Variants in HDAC9 observed in about 807,000 individuals in gnomAD.
The protein encoded by HDAC9 is histone deacetylase 9, also known as MEF-2 interacting transcription repressor (MITR) protein.
Under a neutral mutation model 139.4 loss-of-function variants are expected in HDAC9, and 41 were observed. That is an observed-to-expected ratio of 0.29 (90% CI 0.23 to 0.38). The LOEUF (loss-of-function observed/expected upper bound fraction) is 0.38, where lower values mean the gene tolerates loss of function less well. Among genes scored for constraint, HDAC9 ranks in the 10% least tolerant of loss-of-function variants. The pLI, the probability that HDAC9 is intolerant of heterozygous loss-of-function variation, is 1.00. For synonymous variants in HDAC9, 517 were observed against 476.2 expected (o/e 1.09, Z -1.12); for missense variants, 1,147 against 1,297.0 (o/e 0.88, Z 1.78).
intron 1 of HDAC9, among the ~76,000 whole-genome samples, chr7:18,419,649 C>G (rs1789435576): frequency 6.6e-6 from 1 of 152,168 alleles, no homozygotes; most frequent in Non-Finnish European, 1.5e-5. Flanking sequence ...ATAAATTACA[C>G]TCTTGTTGAA....
chr7:18,144,629 A>G (rs944984607), intron 1 of HDAC9, among the ~76,000 whole-genome samples: 2 of 151,882 alleles, frequency 1.3e-5, no homozygotes, highest in African/African-American at 4.8e-5. Flanking sequence ...AGTTAACCCT[A>G]TGATGTTGTA....
chr7:18,349,365 T>G (rs1442466814), intron 1 of HDAC9, among the ~76,000 whole-genome samples: 1 of 128,648 alleles, frequency 7.8e-6, no homozygotes, highest in Non-Finnish European at 1.6e-5. Flanking sequence ...CACACACAGA[T>G]ATTGCCCTTC....
intron 2 of HDAC9, among the ~76,000 whole-genome samples, chr7:18,246,363 A>G (rs1211504926): frequency 6.6e-6 from 1 of 151,910 alleles, no homozygotes; most frequent in Non-Finnish European, 1.5e-5. Context: ...AGTAAAATAC[A>G]CATAACAAAG....
chr7:18,117,758 G>A (rs1328657370), intron 1 of HDAC9, among the ~76,000 whole-genome samples: 1 of 152,194 alleles, frequency 6.6e-6, no homozygotes, highest in East Asian at 1.9e-4. Flanking sequence ...CTTGAGAACT[G>A]TGAGAAAATA....
intron 13 of HDAC9, among the ~76,000 whole-genome samples, chr7:18,743,427 T>C (rs1294545096): frequency 6.6e-6 from 1 of 152,182 alleles, no homozygotes; most frequent in African/African-American, 2.4e-5. Flanking sequence ...AATTTATCAA[T>C]TTTTTTAAAC....
chr7:18,674,028 T>C (rs929628735), intron 12 of HDAC9, among the ~76,000 whole-genome samples: 6 of 151,996 alleles, frequency 3.9e-5, no homozygotes, highest in African/African-American at 1.4e-4. Context: ...CTTTTTGCTG[T>C]TGTTGTTGTT....
rs1449302043 is a variant in HDAC9 at position 18,158,161 on chromosome 7, A to G, written c.-96-4068A>G. Among the ~76,000 whole-genome samples the G allele has an allele frequency of 3.3e-5, 5 of 152,320 alleles. No homozygotes were observed. The East Asian group carries it at 7.7e-4, about 23-fold the overall frequency. On this transcript the variant is annotated intron_variant, in intron 1 of 12. Transcript: ENST00000417496. ...GCTTTTTTAGTAGCACACTATCCAA[A>G]ATAATACTAATTACCCAAAAGTGGG...
chr7:18,838,970 A>G (rs907829989), intron 21 of HDAC9, among the ~76,000 whole-genome samples: 1 of 151,974 alleles, frequency 6.6e-6, no homozygotes, highest in African/African-American at 2.4e-5. Flanking sequence ...AAGATTTCAC[A>G]TTTACTGTAA....
intron 1 of HDAC9, among the ~76,000 whole-genome samples, chr7:18,485,084 T>C (rs1400067237): frequency 6.6e-6 from 1 of 152,118 alleles, no homozygotes; most frequent in Non-Finnish European, 1.5e-5. Flanking sequence ...TTAAATAGAC[T>C]GTCCCTGCCA....
Position 18,829,215 on chromosome 7 carries a change from A to G in HDAC9, c.2377A>G (p.Met793Val), listed in dbSNP as rs758341334. The change falls in exon 18 of 26, where the codon ATG becomes GTG. Residue 793 changes from methionine to valine, a missense_variant and splice_region_variant. By Grantham distance (21) the Met-to-Val change is conservative. This residue lies in a region of HDAC9 where 407 missense variants were observed against 521.5 expected (regional missense o/e 0.78). Coordinates refer to ENST00000686413, the MANE Select transcript of HDAC9 (RefSeq NM_178425.4). ...CCATCACGCTGAAGAATCCACAGCC[A>G]TGTAAGTACCAGGGACTGTTGCCCA... Reference protein sequence around the residue: ...PGHHAEESTAMGFCFFNSVAI... With the variant: ...PGHHAEESTAVGFCFFNSVAI... 6.2e-7 allele frequency: 1 copy of G among 1,609,834 alleles called. No homozygotes were observed. Among genetic ancestry groups the G allele is most frequent in the Non-Finnish European group, 8.5e-7 (1 of 1,176,092 alleles).
At chr7:18,351,292 T>C (rs1782828771) in intron 1 of HDAC9, among the ~76,000 whole-genome samples, 1 of 152,198 alleles carries the variant, frequency 6.6e-6, no homozygotes, top group South Asian at 2.1e-4. Context: ...GTTGCTTCAA[T>C]ATTTTTCCCC....
chr7:18,742,682 C>T (rs542231638), intron 13 of HDAC9, among the ~76,000 whole-genome samples: 13 of 151,740 alleles, frequency 8.6e-5, no homozygotes, highest in Admixed American at 2.0e-4. Context: ...ACTGTATTTT[C>T]ATCTTATTAT....
chr7:18,747,435 T>TCTTTGGAGGGGGAGCG (rs1354011219), intron 13 of HDAC9, among the ~76,000 whole-genome samples: 2 of 152,206 alleles, frequency 1.3e-5, no homozygotes, highest in African/African-American at 4.8e-5. Flanking sequence ...CTGCTTTGGT[T>TCTTTGGAGGGGGAGCG]CTTTGGAGGG....
Position 18,650,951 on chromosome 7 carries a change from A to G in HDAC9, c.1467+2268A>G, listed in dbSNP as rs141285224. On this transcript the variant is annotated intron_variant, in intron 11 of 25. Transcript: ENST00000686413. ...GGCATATTCACGTTGGGTATTCTCC[A>G]GATTTTGAAAATATTTTACCTGCCC... Among the ~76,000 whole-genome samples the G allele has an allele frequency of 3.9e-3, 589 of 152,274 alleles. 4 individuals carry two copies. Among genetic ancestry groups the G allele is most frequent in the Non-Finnish European group, 4.5e-3 (308 of 68,026 alleles).
intron 13 of HDAC9, among the ~76,000 whole-genome samples, chr7:18,730,724 T>G (rs1449910206): frequency 6.6e-6 from 1 of 152,356 alleles, no homozygotes; most frequent in East Asian, 1.9e-4. Context: ...AATCACAAAT[T>G]TCTTTTTTCT....
intron 1 of HDAC9, among the ~76,000 whole-genome samples, chr7:18,323,990 T>C (rs1344936850): frequency 6.6e-6 from 1 of 151,608 alleles, no homozygotes; most frequent in Non-Finnish European, 1.5e-5. Flanking sequence ...GGGAGTTCTA[T>C]GGGATCTTTT....
intron 24 of HDAC9, among the ~76,000 whole-genome samples, chr7:18,959,965 T>A (rs1031991186): frequency 1.3e-5 from 2 of 151,556 alleles, no homozygotes; most frequent in African/African-American, 4.9e-5. Flanking sequence ...TCCATGTTTC[T>A]TGTATATAAA....
chr7:18,847,866 A>C (rs1797014114), intron 21 of HDAC9, among the ~76,000 whole-genome samples: 1 of 152,202 alleles, frequency 6.6e-6, no homozygotes. Flanking sequence ...GCCAAGGGAC[A>C]CGGAGTCCAG....
intron 1 of HDAC9, among the ~76,000 whole-genome samples, chr7:18,292,968 C>T (rs921957031): frequency 3.9e-5 from 6 of 151,950 alleles, no homozygotes; most frequent in Non-Finnish European, 7.4e-5. Context: ...TTTTTTTTCC[C>T]CTCCAATAGA....
Sources: allele counts gnomAD v4.1 joint callset (sites outside exome capture counted in the v4.1 genomes callset), GRCh38; gene constraint gnomAD v4.1.1; regional missense constraint gnomAD v4.1.1; transcripts MANE v1.5; gene names NCBI Gene and HGNC (gene_info 2026-07-23, HGNC 2026-07-21).